The following CHKA variants were observed in gnomAD, a reference collection of about 807,000 sequenced individuals.
The protein encoded by CHKA is CHETK-alpha.
CHKA carries 34 observed loss-of-function variants against 60.1 expected under a neutral mutation model. The ratio of observed to expected loss-of-function variants is 0.57; its 90% CI spans 0.43 to 0.75. The LOEUF (loss-of-function observed/expected upper bound fraction) is 0.75, where lower values mean the gene tolerates loss of function less well. Ranked by LOEUF, CHKA falls within the 30% of genes least tolerant of loss-of-function variation. The probability of loss-of-function intolerance (pLI) is 0.00; values close to 1 mark genes in which losing one functional copy is unlikely to be tolerated. For synonymous variants in CHKA, 217 were observed against 223.1 expected (o/e 0.97, Z 0.24); for missense variants, 563 against 561.3 (o/e 1.00, Z -0.03).
chr11:68,093,580 T>C (rs556850157), intron 2 of CHKA, among the ~76,000 whole-genome samples: 8 of 152,376 alleles, frequency 5.3e-5, no homozygotes, highest in Admixed American at 5.2e-4. Flanking sequence ...AATCGGGACA[T>C]AGAATTCTGT....
intron 1 of CHKA, among the ~76,000 whole-genome samples, chr11:68,101,515 C>T (rs1309734699): frequency 6.6e-6 from 1 of 151,908 alleles, no homozygotes; most frequent in Admixed American, 6.6e-5. Context: ...TATTTCTAAA[C>T]GGGAGGCTCA....
At position 68,064,592 on chromosome 11, in the gene CHKA, C is replaced by A; in HGVS notation, c.1165G>T (p.Asp389Tyr). 1 of 1,596,924 alleles carries A rather than the reference C, an allele frequency of 6.3e-7. No individual in the cohort carries two copies. Among genetic ancestry groups the A allele is most frequent in the South Asian group, 1.2e-5 (1 of 86,436 alleles). The change falls in exon 10 of 12, where the codon GAC becomes TAC. Residue 389 changes from aspartate to tyrosine, a missense_variant. Coordinates refer to ENST00000265689, the MANE Select transcript of CHKA (RefSeq NM_001277.3). ...TCTTCAGTACTGAGGTTTTCAAAGTCATTTTGGAATGCAGGCAAGTAACTG... is the reference window on the plus strand; with the variant it reads ...TCTTCAGTACTGAGGTTTTCAAAGTAATTTTGGAATGCAGGCAAGTAACTG... ...ISSYLPAFQN[D>Y]FENLSTEEKS...
At chr11:68,084,103 C>A (rs868044305) in intron 2 of CHKA, among the ~76,000 whole-genome samples, 2 of 151,098 alleles carry the variant, frequency 1.3e-5, no homozygotes, top group African/African-American at 4.9e-5. Flanking sequence ...AAAAATTAGC[C>A]GGGCATAGTG....
chr11:68,099,259 A>T (rs1357433406), intron 1 of CHKA, among the ~76,000 whole-genome samples: 1 of 152,242 alleles, frequency 6.6e-6, no homozygotes, highest in Non-Finnish European at 1.5e-5. Context: ...AACAGCTGCA[A>T]GTATCTGTGA....
At chr11:68,077,904 TGA>T (rs1420107307) in intron 3 of CHKA, among the ~76,000 whole-genome samples, 1 of 152,074 alleles carries the variant, frequency 6.6e-6, no homozygotes, top group Admixed American at 6.6e-5. Context: ...TTCAAGGAAC[TGA>T]GAGGCCTGTC....
At chr11:68,055,254 G>C (rs1855965319) in intron 11 of CHKA, among the ~76,000 whole-genome samples, 1 of 152,204 alleles carries the variant, frequency 6.6e-6, no homozygotes, top group African/African-American at 2.4e-5. Context: ...GCTGGGTGCG[G>C]TGGCGGGCGC....
At chr11:68,117,712 G>A (rs1248212580) in intron 1 of CHKA, among the ~76,000 whole-genome samples, 2 of 151,998 alleles carry the variant, frequency 1.3e-5, no homozygotes, top group Non-Finnish European at 2.9e-5. Context: ...TAAAAAGGTA[G>A]GCCAAGGCTC....
chr11:68,060,454 G>C (rs1282325875), intron 11 of CHKA, among the ~76,000 whole-genome samples: 1 of 152,152 alleles, frequency 6.6e-6, no homozygotes, highest in Non-Finnish European at 1.5e-5. Flanking sequence ...GGGATTACAG[G>C]CATGTGCCAC....
intron 1 of CHKA, among the ~76,000 whole-genome samples, chr11:68,117,919 G>T (rs1590890242): frequency 1.3e-5 from 2 of 152,166 alleles, no homozygotes; most frequent in African/African-American, 4.8e-5. Flanking sequence ...CATCAGGTTT[G>T]AGTTACAACT....
rs995349370 is a variant in CHKA at position 68,066,829 on chromosome 11, G to A, written c.929-313C>T. 5.9e-5 allele frequency among the ~76,000 whole-genome samples: 9 copies of A among 152,322 alleles called. No individual in the cohort carries two copies. The East Asian group carries it at 1.7e-3, about 29-fold the overall frequency. ...GCTGTCAGGACAGTACTTCCCAAATGTTCTGCATGGTGGCATGCAGGAGCT... is the reference window on the plus strand; with the variant it reads ...GCTGTCAGGACAGTACTTCCCAAATATTCTGCATGGTGGCATGCAGGAGCT... On this transcript the variant is annotated intron_variant, in intron 7 of 11. Coordinates refer to ENST00000265689, the MANE Select transcript of CHKA (RefSeq NM_001277.3).
At chr11:68,059,665 T>G (rs995114096) in intron 11 of CHKA, among the ~76,000 whole-genome samples, 1 of 152,248 alleles carries the variant, frequency 6.6e-6, no homozygotes, top group African/African-American at 2.4e-5. Context: ...TATTTAGAAG[T>G]GTACTGTTTA....
chr11:68,109,381 G>A (rs1858049831), intron 1 of CHKA, among the ~76,000 whole-genome samples: 1 of 152,102 alleles, frequency 6.6e-6, no homozygotes, highest in African/African-American at 2.4e-5. Context: ...GAGCCACCGA[G>A]CCCGGCCTCT....
At chr11:68,079,872 G>A (rs995021550) in intron 3 of CHKA, among the ~76,000 whole-genome samples, 12 of 152,116 alleles carry the variant, frequency 7.9e-5, no homozygotes, top group Non-Finnish European at 1.6e-4. Context: ...TCAGGTGACC[G>A]AGGGAGACAG....
At chr11:68,078,054 G>A (rs1856849019) in intron 3 of CHKA, among the ~76,000 whole-genome samples, 1 of 152,092 alleles carries the variant, frequency 6.6e-6, no homozygotes, top group Non-Finnish European at 1.5e-5. Context: ...TCGATCCCCT[G>A]GGGACAGAAG....
intron 2 of CHKA, among the ~76,000 whole-genome samples, chr11:68,089,064 A>G (rs1246457342): frequency 6.6e-6 from 1 of 152,224 alleles, no homozygotes; most frequent in African/African-American, 2.4e-5. Context: ...TTGGACATTA[A>G]TAATTTCAAA....
chr11:68,101,658 A>G (rs1857729678), intron 1 of CHKA, among the ~76,000 whole-genome samples: 1 of 152,100 alleles, frequency 6.6e-6, no homozygotes, highest in Non-Finnish European at 1.5e-5. Context: ...GCTAACAAAA[A>G]AAAAAAGAAA....
rs147832549 is a variant in CHKA, at chr11:68,107,109, G to A, written c.351-9979C>T. 4.7e-3 allele frequency among the ~76,000 whole-genome samples: 712 copies of A among 152,090 alleles called. 7 individuals are homozygous for A. Among genetic ancestry groups the A allele is most frequent in the African/African-American group, 0.016 (664 of 41,508 alleles). On this transcript the variant is annotated intron_variant, in intron 1 of 11. Transcript: ENST00000265689. ...TCTACTAAAAATACAAAAATTAGCC[G>A]GGCGCAGTGGCAGGCACCTGTAATC...
At chr11:68,112,841 G>A (rs1285834141) in intron 1 of CHKA, among the ~76,000 whole-genome samples, 5 of 151,994 alleles carry the variant, frequency 3.3e-5, no homozygotes, top group East Asian at 1.9e-4. Context: ...CCAGCACTTC[G>A]GGAGGCCGAG....
intron 1 of CHKA, among the ~76,000 whole-genome samples, chr11:68,112,898 C>T (rs1441151307): frequency 6.6e-6 from 1 of 151,384 alleles, no homozygotes; most frequent in Non-Finnish European, 1.5e-5. Context: ...CTGGCTAACA[C>T]AGTGAAACCC....
Sources: allele counts gnomAD v4.1 joint callset (sites outside exome capture counted in the v4.1 genomes callset), GRCh38; gene constraint gnomAD v4.1.1; transcripts MANE v1.5; gene names NCBI Gene and HGNC (gene_info 2026-07-23, HGNC 2026-07-21).